Variants in PARD3B observed in about 807,000 individuals in gnomAD.
PARD3B encodes the protein par-3 family cell polarity regulator beta.
Under a neutral mutation model 130.2 loss-of-function variants are expected in PARD3B, and 103 were observed. The ratio of observed to expected loss-of-function variants is 0.79; its 90% CI spans 0.67 to 0.93. The LOEUF is 0.93. PARD3B is among the 40% of genes least tolerant of loss of function. The pLI is 0.00. For synonymous variants in PARD3B, 583 were observed against 553.2 expected, an observed-to-expected ratio of 1.05 and a Z score of -0.76; for missense variants, 1,609 against 1,499.2, an observed-to-expected ratio of 1.07 and a Z score of -1.21.
At chr2:205,036,304 A>T (rs1045409325) in intron 3 of PARD3B, among the ~76,000 whole-genome samples, 5 of 144,000 alleles carry the variant, frequency 3.5e-5, no homozygotes, top group East Asian at 2.0e-4. Flanking sequence ...TATATATATA[A>T]AAATATATGT....
chr2:204,912,575 AG>A (rs2047280831), intron 2 of PARD3B, among the ~76,000 whole-genome samples: 1 of 152,094 alleles, frequency 6.6e-6, no homozygotes, highest in South Asian at 2.1e-4. Context: ...CATTTCAAGC[AG>A]ATTTCTTTTA....
intron 2 of PARD3B, among the ~76,000 whole-genome samples, chr2:204,901,500 C>G (rs562368536): frequency 6.6e-6 from 1 of 151,794 alleles, no homozygotes; most frequent in Non-Finnish European, 1.5e-5. Context: ...GAGGGCTCCC[C>G]TCTGGTATGG....
At chr2:204,908,026 TCTAA>T (rs964932879) in intron 2 of PARD3B, among the ~76,000 whole-genome samples, 7 of 152,120 alleles carry the variant, frequency 4.6e-5, no homozygotes, top group East Asian at 1.9e-4. Flanking sequence ...TAAGTTCCCT[TCTAA>T]CTATTTTTAA....
intron 2 of PARD3B, among the ~76,000 whole-genome samples, chr2:204,712,877 A>G (rs1452877450): frequency 1.3e-5 from 2 of 152,110 alleles, no homozygotes; most frequent in Non-Finnish European, 2.9e-5. Context: ...AATATTCCAT[A>G]TGTATATATC....
chr2:205,425,051 T>A (rs1000007413), intron 19 of PARD3B, among the ~76,000 whole-genome samples: 1 of 152,228 alleles, frequency 6.6e-6, no homozygotes, highest in Non-Finnish European at 1.5e-5. Flanking sequence ...GGCAGATTCT[T>A]ACAGCTCTTT....
intron 2 of PARD3B, among the ~76,000 whole-genome samples, chr2:204,707,227 G>A (rs1270004807): frequency 6.6e-6 from 1 of 152,170 alleles, no homozygotes; most frequent in African/African-American, 2.4e-5. Flanking sequence ...CAGACCACAT[G>A]AAGCCCGAGT....
intron 4 of PARD3B, among the ~76,000 whole-genome samples, chr2:205,081,887 C>T (rs1701433751): frequency 6.6e-6 from 1 of 151,956 alleles, no homozygotes; most frequent in Admixed American, 6.6e-5. Flanking sequence ...CATGGTAATG[C>T]TAGTTTATAT....
intron 2 of PARD3B, among the ~76,000 whole-genome samples, chr2:204,748,357 C>T (rs886855929): frequency 6.6e-6 from 1 of 152,040 alleles, no homozygotes; most frequent in African/African-American, 2.4e-5. Flanking sequence ...CCTTCCTGAG[C>T]CTGGATTAGG....
At chr2:205,248,598 A>ATTTTTT (rs2039678644) in intron 16 of PARD3B, among the ~76,000 whole-genome samples, 1 of 129,638 alleles carries the variant, frequency 7.7e-6, no homozygotes, top group African/African-American at 3.0e-5. Context: ...TTGTCTCACC[A>ATTTTTT]TTCTTTTTTT....
intron 3 of PARD3B, among the ~76,000 whole-genome samples, chr2:204,973,411 T>C (rs547787992): frequency 6.6e-6 from 1 of 152,340 alleles, no homozygotes; most frequent in Admixed American, 6.5e-5. Context: ...TGATTTTCTT[T>C]TGCAGTTTGC....
chr2:205,508,595 T>C (rs1020846836), intron 21 of PARD3B, among the ~76,000 whole-genome samples: 1 of 145,664 alleles, frequency 6.9e-6, no homozygotes, highest in African/African-American at 2.5e-5. Context: ...AAAAAAAAAG[T>C]ATGTGTCCAT....
intron 2 of PARD3B, among the ~76,000 whole-genome samples, chr2:204,833,485 TG>T (rs2043907596): frequency 6.6e-6 from 1 of 152,028 alleles, no homozygotes; most frequent in South Asian, 2.1e-4. Context: ...GGTTTGGCTG[TG>T]TCCCCACCCA....
intron 1 of PARD3B, among the ~76,000 whole-genome samples, chr2:204,668,726 T>G (rs1180995307): frequency 6.6e-6 from 1 of 152,180 alleles, no homozygotes; most frequent in African/African-American, 2.4e-5. Context: ...AGTAACACCA[T>G]CTGAAAGATG....
At chr2:204,605,323 C>A (rs1285395064) in intron 1 of PARD3B, among the ~76,000 whole-genome samples, 1 of 152,146 alleles carries the variant, frequency 6.6e-6, no homozygotes, top group Admixed American at 6.5e-5. Context: ...ATTGCTATGA[C>A]CATGTCATAA....
chr2:204,837,989 A>G (rs974998523), intron 2 of PARD3B, among the ~76,000 whole-genome samples: 1 of 152,058 alleles, frequency 6.6e-6, no homozygotes, highest in Admixed American at 6.5e-5. Flanking sequence ...GGCTACCAAG[A>G]TGACAATGAT....
At position 205,457,906 on chromosome 2, in the gene PARD3B, G is replaced by A. The variant is rs116504980; in HGVS notation, c.3044+17234G>A. Among the ~76,000 whole-genome samples, 637 of 152,108 alleles carry A rather than the reference G, an allele frequency of 4.2e-3. 6 individuals are homozygous for A. Among genetic ancestry groups the A allele is most frequent in the African/African-American group, 0.015 (615 of 41,502 alleles). ...AATGAAATGCTCATTGGAGCACTTT[G>A]GATTTTGGATTTTTAGATTTGGAAT... On this transcript the variant is annotated intron_variant, in intron 20 of 22. Transcript: ENST00000406610.
chr2:204,876,293 C>G (rs754334267), intron 2 of PARD3B, among the ~76,000 whole-genome samples: 8 of 152,214 alleles, frequency 5.3e-5, no homozygotes, highest in Non-Finnish European at 1.0e-4. Context: ...ATAGCTTCAA[C>G]TGAATCAACG....
chr2:205,405,938 A>C lies in PARD3B; in HGVS notation c.2741+4815A>C, dbSNP rs978932948. On this transcript the variant is annotated intron_variant, in intron 19 of 22. Coordinates refer to ENST00000406610, the MANE Select transcript of PARD3B (RefSeq NM_001302769.2). The surrounding 1 kb of genome is among the most constrained non-coding windows in gnomAD (Gnocchi z 4.1). ...ATGTGGATATGCCTGCCAAAAGCTTAATCTGGTCCTAAGCTACATTACTGG... is the reference window on the plus strand; with the variant it reads ...ATGTGGATATGCCTGCCAAAAGCTTCATCTGGTCCTAAGCTACATTACTGG... 6.6e-6 allele frequency among the ~76,000 whole-genome samples: 1 copy of C among 152,228 alleles called. No individual in the cohort carries two copies. Among genetic ancestry groups the C allele is most frequent in the East Asian group, 1.9e-4 (1 of 5,198 alleles).
chr2:205,174,769 A>G (rs1421805579), intron 12 of PARD3B, among the ~76,000 whole-genome samples: 2 of 152,252 alleles, frequency 1.3e-5, no homozygotes, highest in African/African-American at 4.8e-5. Context: ...AAGTCAAAAT[A>G]TATAGTTGTT....
Sources: gnomAD v4.1 joint callset for allele counts (sites outside exome capture counted in the v4.1 genomes callset) on GRCh38, gnomAD v4.1.1 for gene constraint, Gnocchi (gnomAD v3.1) non-coding constraint, MANE v1.5 for transcripts, NCBI Gene and HGNC (gene_info 2026-07-23, HGNC 2026-07-21) for gene names.